The following RNF213 variants were observed in gnomAD, a reference collection of about 807,000 sequenced individuals.
The protein encoded by RNF213 is E3 ubiquitin-protein ligase RNF213.
RNF213 carries 341 observed loss-of-function variants against 514.4 expected under a neutral mutation model. The observed-to-expected ratio is 0.66, with a 90% confidence interval of 0.61 to 0.73. The LOEUF (loss-of-function observed/expected upper bound fraction) is 0.73. RNF213 is among the 30% of genes least tolerant of loss of function. RNF213 has a pLI of 0.00. For missense variants in RNF213, 5,767 were observed against 6,615.6 expected (o/e 0.87, Z 4.45); for synonymous variants, 2,655 against 2,658.2 (o/e 1.00, Z 0.04).
chr17:80,294,048 A>C (rs1449894842), intron 8 of RNF213, among the ~76,000 whole-genome samples: 1 of 152,116 alleles, frequency 6.6e-6, no homozygotes, highest in African/African-American at 2.4e-5. Context: ...CCTGATTTTT[A>C]CTTCTGTTTG....
In RNF213 at chr17:80,383,660, T is replaced by TC; in HGVS notation, c.14071-16dup. 1.2e-6 allele frequency: 2 copies of TC among 1,613,882 alleles called. No homozygotes were observed. The highest frequency in any genetic ancestry group is 1.7e-6 in the Non-Finnish European group (2 of 1,179,882). ...TACCTCACTTCCAGAATTTTTTTTT[T>TC]CATTTTCTCCATCCAGCATCTAGAT... On this transcript the variant is annotated splice_polypyrimidine_tract_variant and intron_variant, in intron 58 of 67. Coordinates refer to ENST00000582970, the MANE Select transcript of RNF213 (RefSeq NM_001256071.3).
At chr17:80,318,816 A>T (rs879449329) in intron 16 of RNF213, among the ~76,000 whole-genome samples, 1 of 150,994 alleles carries the variant, frequency 6.6e-6, no homozygotes, top group Admixed American at 6.6e-5. Context: ...CTCGTGATCC[A>T]CCCGCCTCAG....
At chr17:80,312,002 C>A (rs1237433570) in intron 14 of RNF213, among the ~76,000 whole-genome samples, 1 of 152,130 alleles carries the variant, frequency 6.6e-6, no homozygotes. Flanking sequence ...GTGGCATGCA[C>A]TTGTAATCCC....
intron 16 of RNF213, among the ~76,000 whole-genome samples, chr17:80,318,600 G>T (rs1334871598): frequency 6.6e-6 from 1 of 151,996 alleles, no homozygotes; most frequent in Non-Finnish European, 1.5e-5. Flanking sequence ...TTGAGACGGG[G>T]TCTCGCTCTA....
intron 11 of RNF213, among the ~76,000 whole-genome samples, chr17:80,299,498 C>T (rs1054071687): frequency 2.6e-5 from 4 of 151,984 alleles, no homozygotes; most frequent in Admixed American, 2.6e-4. Flanking sequence ...AATATAATGA[C>T]CTCTCCTTTA....
At position 80,385,122 on chromosome 17, in the gene RNF213, G is replaced by A; in HGVS notation, c.14406G>A (p.Gln4802=). The change falls in exon 60 of 68, where the codon CAG becomes CAA. Residue 4802 remains glutamine (Q), a synonymous_variant. Coordinates refer to ENST00000582970, the MANE Select transcript of RNF213 (RefSeq NM_001256071.3). Reference sequence around the variant, plus strand: ...TAGTGAAGCAGTTCCAGAACGTCCAGCAAGTTGAATACAGCTCCATCAGAG... The same window carrying A: ...TAGTGAAGCAGTTCCAGAACGTCCAACAAGTTGAATACAGCTCCATCAGAG... ...RDLVKQFQNV[Q]QVEYSSIRGF... is the part of the protein sequence containing the mutation. 6.2e-7 allele frequency: 1 copy of A among 1,614,210 alleles called. No individual in the cohort carries two copies. The highest frequency in any genetic ancestry group is 8.5e-7 in the Non-Finnish European group (1 of 1,180,030).
At chr17:80,307,340 C>G in intron 13 of RNF213, 139 bp downstream of exon 13, 1 of 661,022 alleles carries the variant, frequency 1.5e-6, no homozygotes, top group Middle Eastern at 4.2e-4. Context: ...CTTCTCTTCT[C>G]AGGTTATTAA....
At position 80,350,749 on chromosome 17, in the gene RNF213, C is replaced by T. The variant is rs376455231; in HGVS notation, c.10184+353C>T. Among the ~76,000 whole-genome samples, 120 of 152,300 alleles carry T rather than the reference C, an allele frequency of 7.9e-4. 1 individual carries two copies. Among genetic ancestry groups the T allele is most frequent in the African/African-American group, 2.8e-3 (118 of 41,558 alleles). ...GGGAGGTCAAGGCTGCAGTGAACTG[C>T]GATCCCACCACTGCAGTCCAGCCTA... On this transcript the variant is annotated intron_variant, in intron 31 of 67. Coordinates refer to ENST00000582970, the MANE Select transcript of RNF213 (RefSeq NM_001256071.3).
At chr17:80,333,497 C>T (rs1175254506) in intron 21 of RNF213, among the ~76,000 whole-genome samples, 1 of 151,436 alleles carries the variant, frequency 6.6e-6, no homozygotes, top group Non-Finnish European at 1.5e-5. Flanking sequence ...AGTTCGAGAC[C>T]AGCCTGACCA....
Position 80,288,219 on chromosome 17 carries a change from TCCC to T in RNF213, c.670_672del (p.Pro224del). On this transcript the variant is annotated inframe_deletion, in exon 4 of 68. Transcript: ENST00000582970. The surrounding 1 kb of genome is among the most constrained non-coding windows in gnomAD (Gnocchi z 4.9). The stretch of plus-strand genomic sequence containing the variant: ...GAGGCCTGTCCCAGGAGGGGACCGG[TCCC>T]CCCACCTCTGCTGGTGAAGGCCATT... 6 of 1,612,748 alleles carry T rather than the reference TCCC, an allele frequency of 3.7e-6. No homozygotes were observed. Among genetic ancestry groups the T allele is most frequent in the Non-Finnish European group, 4.2e-6 (5 of 1,179,752 alleles).
intron 25 of RNF213, 68 bp from the exon 26 acceptor site, chr17:80,339,133 T>C (rs1422334617): frequency 7.6e-6 from 10 of 1,318,152 alleles, no homozygotes; most frequent in Non-Finnish European, 1.0e-5. Flanking sequence ...GCCTGTGTGC[T>C]GTTGCAGAGT....
chr17:80,364,286 G>C (rs1246190789), intron 41 of RNF213, 147 bp from the exon 42 acceptor site: 30 of 1,066,332 alleles, frequency 2.8e-5, no homozygotes, highest in Non-Finnish European at 4.1e-5. Flanking sequence ...GGGCCAGGAA[G>C]TATGTCACAT....
intron 55 of RNF213, 165 bp downstream of exon 55, chr17:80,379,879 A>G: frequency 1.5e-6 from 1 of 680,232 alleles, no homozygotes; most frequent in Non-Finnish European, 2.7e-6. Context: ...GTCACACAGC[A>G]GGGAGGCATC....
Position 80,291,701 on chromosome 17 carries a change from C to T in RNF213, c.1345C>T (p.Pro449Ser), listed in dbSNP as rs2044734955. 6.2e-7 allele frequency: 1 copy of T among 1,614,206 alleles called. No individual in the cohort carries two copies. The highest frequency in any genetic ancestry group is 8.5e-7 in the Non-Finnish European group (1 of 1,180,046). The change falls in exon 8 of 68, where the codon CCT becomes TCT. Residue 449 changes from proline to serine, a missense_variant. Physicochemically the swap from Pro to Ser is moderately conservative, Grantham distance 74. This residue lies in a region of RNF213 where 592 missense variants were observed against 673.9 expected (regional missense o/e 0.88). Transcript: ENST00000582970. Reference sequence around the variant, plus strand: ...CAAGAAGCACCTAGATAAATACATTCCTTACAAGTACGTCATTTATAATGG... The same window carrying T: ...CAAGAAGCACCTAGATAAATACATTTCTTACAAGTACGTCATTTATAATGG... ...ISKKHLDKYI[P>S]YKYVIYNGES...
chr17:80,263,702 G>A lies in RNF213; in HGVS notation c.21G>A (p.Gln7=). The A allele has an allele frequency of 6.2e-7, 1 of 1,614,166 alleles. No homozygotes were observed. ...GACCCATGGAGTGTCCTTCGTGCCA[G>A]CATGTCTCCAAGGAGGAAACCCCCA... is the stretch of plus-strand genomic sequence containing the variant. The part of the protein sequence containing the change: MECPSC[Q]HVSKEETPKF... The change falls in exon 2 of 68, where the codon CAG becomes CAA. Residue 7 remains glutamine, a synonymous_variant. Transcript: ENST00000582970. The surrounding 1 kb of genome is among the most constrained non-coding windows in gnomAD (Gnocchi z 4.9).
At chr17:80,373,254 A>ACCCCCCCCCCCCCCCCCCCCCCCCCC (rs142169239) in intron 49 of RNF213, 89 bp downstream of exon 49, 1 of 861,164 alleles carries the variant, frequency 1.2e-6, no homozygotes, top group African/African-American at 2.7e-5. Context: ...CTCACACCCT[A>ACCCCCCCCCCCCCCCCCCCCCCCCCC]CCCCCCCCAC....
chr17:80,350,570 A>G (rs2078472353), intron 31 of RNF213, among the ~76,000 whole-genome samples, 174 bp downstream of exon 31: 1 of 152,238 alleles, frequency 6.6e-6, no homozygotes, highest in Non-Finnish European at 1.5e-5. Flanking sequence ...AAGAGAGACA[A>G]AAAGAAAAGG....
At position 80,313,587 on chromosome 17, in the gene RNF213, G is replaced by A. The variant is rs543727422; in HGVS notation, c.2811+420G>A. 8.6e-4 allele frequency among the ~76,000 whole-genome samples: 123 copies of A among 143,012 alleles called. 1 individual carries two copies. The highest frequency in any genetic ancestry group is 7.0e-3 in the Middle Eastern group (2 of 284). 93.8% of individuals were successfully genotyped at this position (143,012 alleles called of 152,430 possible). ...GGTGATGGTGGTCATGGAGGTGGTGGAGGTGATGGTGGTGGTGGAGGTGAT... is the reference window on the plus strand; with the variant it reads ...GGTGATGGTGGTCATGGAGGTGGTGAAGGTGATGGTGGTGGTGGAGGTGAT... On this transcript the variant is annotated intron_variant, in intron 15 of 67. Transcript: ENST00000582970.
rs369126465 is a variant in RNF213 at position 80,347,152 on chromosome 17, C to A, written c.8817C>A (p.Tyr2939Ter). Reference sequence around the variant, plus strand: ...ACTTTGCGTCCTTTGCCAAAGCCTACGAAACGGTGTGTAAGCGCCAGGACA... The same window carrying A: ...ACTTTGCGTCCTTTGCCAAAGCCTAAGAAACGGTGTGTAAGCGCCAGGACA... ...QGYFASFAKAYETVCKRQDKE... is the reference protein window; with the variant it reads ...QGYFASFAKA Residue 2939 changes from tyrosine to a stop codon, truncating the protein, a stop_gained, in exon 29 of 68, where the codon TAC (tyrosine) becomes TAA (stop). Transcript: ENST00000582970. LOFTEE classifies it high-confidence loss of function. This position sits in a 1 kb window ranked among gnomAD's most constrained non-coding sequence, Gnocchi z 7.2. 2 of 1,614,064 alleles carry A rather than the reference C, an allele frequency of 1.2e-6. No individual in the cohort carries two copies. The highest frequency in any genetic ancestry group is 3.3e-5 in the Admixed American group (2 of 59,984).
Sources: gnomAD v4.1 joint callset for allele counts (sites outside exome capture counted in the v4.1 genomes callset) on GRCh38, gnomAD v4.1.1 for gene constraint, gnomAD v4.1.1 regional missense constraint, Gnocchi (gnomAD v3.1) non-coding constraint, MANE v1.5 for transcripts, NCBI Gene and HGNC (gene_info 2026-07-23, HGNC 2026-07-21) for gene names.